GPC5: variants seen among roughly 807,000 people sequenced by gnomAD.
GPC5 encodes glypican-5.
GPC5 carries 47 observed loss-of-function variants against 53.9 expected under a neutral mutation model. The ratio of observed to expected loss-of-function variants is 0.87; its 90% CI spans 0.69 to 1.11. GPC5 has a LOEUF of 1.11. GPC5 is among the 50% of genes most tolerant of loss of function. GPC5 has a pLI of 0.00. For synonymous variants in GPC5, 286 were observed against 263.3 expected, an observed-to-expected ratio of 1.09 and a Z score of -0.84; for missense variants, 748 against 713.1, an observed-to-expected ratio of 1.05 and a Z score of -0.56.
intron 7 of GPC5, among the ~76,000 whole-genome samples, chr13:92,364,747 G>A (rs889483137): frequency 5.3e-5 from 8 of 151,582 alleles, no homozygotes; most frequent in African/African-American, 2.0e-4. Context: ...AAAATAATAA[G>A]TAATAAAATA....
intron 5 of GPC5, among the ~76,000 whole-genome samples, chr13:91,778,269 T>A (rs1306690307): frequency 6.6e-6 from 1 of 152,200 alleles, no homozygotes; most frequent in Non-Finnish European, 1.5e-5. Flanking sequence ...GCAGTGTTTT[T>A]ATTATAAAAG....
intron 7 of GPC5, among the ~76,000 whole-genome samples, chr13:92,329,054 A>G (rs568885889): frequency 6.6e-6 from 1 of 152,192 alleles, no homozygotes; most frequent in African/African-American, 2.4e-5. Context: ...TAAATTTCTG[A>G]GAGGGAAGGG....
chr13:92,866,260 G>A, intron 7 of GPC5, 22 bp from the exon 8 acceptor site: 1 of 1,598,078 alleles, frequency 6.3e-7, no homozygotes, highest in Non-Finnish European at 8.5e-7. Flanking sequence ...CATCACCTGT[G>A]CTTTCTTATT....
intron 3 of GPC5, among the ~76,000 whole-genome samples, chr13:91,713,084 A>T (rs1368832537): frequency 6.6e-6 from 1 of 152,120 alleles, no homozygotes; most frequent in Admixed American, 6.5e-5. Flanking sequence ...CCAGCTACTC[A>T]GGAGACTGAA....
chr13:92,432,215 A>G (rs759756682), intron 7 of GPC5, among the ~76,000 whole-genome samples: 10 of 152,210 alleles, frequency 6.6e-5, no homozygotes, highest in Non-Finnish European at 1.5e-4. Context: ...GAAACTGACC[A>G]TTCTGGCTCC....
chr13:92,311,432 C>T (rs556187949), intron 7 of GPC5, among the ~76,000 whole-genome samples: 1 of 152,168 alleles, frequency 6.6e-6, no homozygotes, highest in Non-Finnish European at 1.5e-5. Context: ...AAAGGGAAAC[C>T]ATAGGAGGAG....
intron 2 of GPC5, among the ~76,000 whole-genome samples, chr13:91,622,639 C>T (rs1162519113): frequency 1.3e-5 from 2 of 152,118 alleles, no homozygotes; most frequent in Middle Eastern, 6.3e-3. Flanking sequence ...ATCTGTTGCA[C>T]AGCAGTACAC....
At position 91,672,854 on chromosome 13, in the gene GPC5, C is replaced by A. The variant is rs113759163; in HGVS notation, c.326-20333C>A. Among the ~76,000 whole-genome samples, 1,359 of 152,134 alleles carry A rather than the reference C, an allele frequency of 8.9e-3. 73 individuals are homozygous for A. Among genetic ancestry groups the A allele is most frequent in the Admixed American group, 0.08 (1,228 of 15,274 alleles). ...ACCCAAATGCCCATCAATGAGAGCACGGATAAGGCAAGTGTGGTACAAATA... is the reference window on the plus strand; with the variant it reads ...ACCCAAATGCCCATCAATGAGAGCAAGGATAAGGCAAGTGTGGTACAAATA... On this transcript the variant is annotated intron_variant, in intron 2 of 7. Transcript: ENST00000377067.
intron 7 of GPC5, among the ~76,000 whole-genome samples, chr13:92,302,155 C>A (rs2043080263): frequency 1.3e-5 from 2 of 152,110 alleles, no homozygotes; most frequent in African/African-American, 4.8e-5. Context: ...ACTTTAGTCA[C>A]CCATTCCAGA....
chr13:91,480,048 G>C (rs1387584919), intron 2 of GPC5, among the ~76,000 whole-genome samples: 2 of 152,144 alleles, frequency 1.3e-5, no homozygotes, highest in African/African-American at 4.8e-5. Flanking sequence ...TATGCTATGA[G>C]ACTAGAATCT....
chr13:92,534,440 T>C (rs1296332715), intron 7 of GPC5, among the ~76,000 whole-genome samples: 1 of 152,230 alleles, frequency 6.6e-6, no homozygotes, highest in Non-Finnish European at 1.5e-5. Context: ...CATGTAATCA[T>C]GTATTTTATA....
intron 6 of GPC5, among the ~76,000 whole-genome samples, chr13:92,080,287 C>G (rs979940044): frequency 6.6e-6 from 1 of 152,248 alleles, no homozygotes; most frequent in Non-Finnish European, 1.5e-5. Flanking sequence ...GTCCCATTCA[C>G]GTCCATAGCA....
chr13:91,441,344 C>T (rs775291513), intron 1 of GPC5, among the ~76,000 whole-genome samples: 1 of 152,192 alleles, frequency 6.6e-6, no homozygotes, highest in South Asian at 2.1e-4. Flanking sequence ...GTATAAAGTT[C>T]CTTTGAATTG....
intron 3 of GPC5, among the ~76,000 whole-genome samples, chr13:91,708,523 G>A (rs747164327): frequency 2.0e-5 from 3 of 152,160 alleles, no homozygotes; most frequent in African/African-American, 7.2e-5. Context: ...GCTAAGAGGT[G>A]CAGGGGACTG....
At chr13:91,633,285 T>C (rs1230944102) in intron 2 of GPC5, among the ~76,000 whole-genome samples, 1 of 152,134 alleles carries the variant, frequency 6.6e-6, no homozygotes, top group East Asian at 1.9e-4. Context: ...CTGACATAGA[T>C]GGATGTCATA....
chr13:92,629,690 C>G lies in GPC5; in HGVS notation c.1562-236592C>G, dbSNP rs918308174. ...CCTGAAGAAGAGTCAGCAATGATTCCGTTCTTCTTTCCCAACTTAAGCTGT... is the reference window on the plus strand; with the variant it reads ...CCTGAAGAAGAGTCAGCAATGATTCGGTTCTTCTTTCCCAACTTAAGCTGT... On this transcript the variant is annotated intron_variant, in intron 7 of 7. Coordinates refer to ENST00000377067, the MANE Select transcript of GPC5 (RefSeq NM_004466.6). 2.0e-5 allele frequency among the ~76,000 whole-genome samples: 3 copies of G among 152,016 alleles called. No homozygotes were observed. The South Asian group carries it at 6.2e-4, about 32-fold the overall frequency.
intron 7 of GPC5, among the ~76,000 whole-genome samples, chr13:92,497,038 C>T (rs1217376696): frequency 6.6e-6 from 1 of 152,162 alleles, no homozygotes; most frequent in Non-Finnish European, 1.5e-5. Context: ...CAAAAGTTTT[C>T]TCCCATTCTG....
At chr13:91,410,529 G>C (rs112953886) in intron 1 of GPC5, among the ~76,000 whole-genome samples, 1 of 151,258 alleles carries the variant, frequency 6.6e-6, no homozygotes, top group Admixed American at 6.6e-5. Flanking sequence ...TGTATTTTTA[G>C]TAGAGACGGG....
intron 7 of GPC5, among the ~76,000 whole-genome samples, chr13:92,282,096 G>A (rs9516039): frequency 0.085 from 12,956 of 152,188 alleles, 576 homozygotes; most frequent in Middle Eastern, 0.12. Context: ...ACTATGTGAC[G>A]AATGCACAAG....
Sources: allele counts gnomAD v4.1 joint callset (sites outside exome capture counted in the v4.1 genomes callset), GRCh38; gene constraint gnomAD v4.1.1; transcripts MANE v1.5; gene names NCBI Gene and HGNC (gene_info 2026-07-23, HGNC 2026-07-21).